The following EVL variants were observed in gnomAD, a reference collection of about 807,000 sequenced individuals.
EVL encodes Enah/Vasp-like.
EVL carries 21 observed loss-of-function variants against 59.6 expected under a neutral mutation model. The ratio of observed to expected loss-of-function variants is 0.35; its 90% confidence interval spans 0.25 to 0.51. EVL has a LOEUF of 0.51. EVL is among the 20% of genes least tolerant of loss of function. The pLI, the probability that EVL is intolerant of heterozygous loss-of-function variation, is 0.97. For missense variants in EVL, 462 were observed against 546.6 expected, an observed-to-expected ratio of 0.85 and a Z score of 1.54; for synonymous variants, 198 against 203.5, an observed-to-expected ratio of 0.97 and a Z score of 0.23.
chr14:100,137,842 TG>T, intron 11 of EVL, 40 bp downstream of exon 11: 1 of 1,598,974 alleles, frequency 6.3e-7, no homozygotes, highest in Non-Finnish European at 8.6e-7. Context: ...CCCCAGGGTT[TG>T]GGGCTCCTCT....
intron 1 of EVL, 118 bp downstream of exon 1, chr14:100,065,629 C>T: frequency 2.0e-6 from 1 of 503,476 alleles, no homozygotes; most frequent in Non-Finnish European, 3.3e-6. Context: ...TCGAGAAGTC[C>T]ATGACCAGAG....
At chr14:100,040,902 A>G (rs146880145) in intron 1 of EVL, among the ~76,000 whole-genome samples, 125 of 152,350 alleles carry the variant, frequency 8.2e-4, no homozygotes, top group South Asian at 2.1e-4. Flanking sequence ...TTATTAGCAC[A>G]TTCCCCCTGA....
intron 1 of EVL, among the ~76,000 whole-genome samples, chr14:100,074,056 A>ATTC (rs1227803409): frequency 2.6e-5 from 4 of 152,102 alleles, no homozygotes; most frequent in Non-Finnish European, 5.9e-5. Context: ...GCTAGAGGAA[A>ATTC]GCACAGGAGC....
intron 3 of EVL, among the ~76,000 whole-genome samples, chr14:100,117,962 C>T (rs1887456628): frequency 6.6e-6 from 1 of 152,224 alleles, no homozygotes; most frequent in Non-Finnish European, 1.5e-5. Flanking sequence ...ACGTACTTAA[C>T]AAATATGTAT....
intron 13 of EVL, among the ~76,000 whole-genome samples, chr14:100,143,037 A>G (rs955749308): frequency 6.6e-6 from 1 of 152,168 alleles, no homozygotes; most frequent in Non-Finnish European, 1.5e-5. Context: ...AGCAAGGTCC[A>G]TCCAGAGAGA....
intron 1 of EVL, among the ~76,000 whole-genome samples, chr14:100,074,163 C>A (rs1336866259): frequency 6.6e-6 from 1 of 152,186 alleles, no homozygotes; most frequent in Non-Finnish European, 1.5e-5. Flanking sequence ...ACAGACAGGA[C>A]CCGACAGCCT....
At chr14:100,117,950 C>T (rs998123843) in intron 3 of EVL, among the ~76,000 whole-genome samples, 8 of 152,340 alleles carry the variant, frequency 5.3e-5, no homozygotes, top group African/African-American at 1.9e-4. Context: ...GGCCAGTCAT[C>T]CACGTACTTA....
chr14:100,106,573 T>C (rs961489775), intron 3 of EVL: 1 of 320,630 alleles, frequency 3.1e-6, no homozygotes, highest in Admixed American at 5.0e-5. Context: ...GCTTCTCTTT[T>C]CTCTCTCCTT....
Position 100,132,776 on chromosome 14 carries a change from A to G in EVL, c.897A>G (p.Gln299=). The part of the protein sequence containing the change: ...KPAEKKEDES[Q]MEDPSTSPSP... ...CCGAGAAGAAGGAAGATGAAAGCCA[A>G]ATGGTGAGCAAGCAGCCCGCCCCAC... The change falls in exon 8 of 14, where the codon CAA becomes CAG. Residue 299 remains glutamine (Q), a synonymous_variant. Transcript: ENST00000392920. The G allele has an allele frequency of 6.2e-7, 1 of 1,614,036 alleles. No individual in the cohort carries two copies. Among genetic ancestry groups the G allele is most frequent in the Non-Finnish European group, 8.5e-7 (1 of 1,180,026 alleles).
chr14:99,992,814 T>C (rs900401281), intron 1 of EVL, among the ~76,000 whole-genome samples: 2 of 152,234 alleles, frequency 1.3e-5, no homozygotes, highest in African/African-American at 2.4e-5. Context: ...TTGAGTATGA[T>C]GTTAACTGTG....
intron 1 of EVL, among the ~76,000 whole-genome samples, chr14:100,051,539 T>G (rs1261009864): frequency 6.7e-6 from 1 of 149,658 alleles, no homozygotes; most frequent in African/African-American, 2.6e-5. Context: ...GCATTATAAC[T>G]TTTCCATTTC....
chr14:99,984,779 A>G (rs1289711266), intron 1 of EVL, among the ~76,000 whole-genome samples: 5 of 151,836 alleles, frequency 3.3e-5, no homozygotes, highest in Non-Finnish European at 7.4e-5. Flanking sequence ...ACACCCGGCT[A>G]ATTTTTTTGT....
At chr14:100,041,402 C>T (rs767369516) in intron 1 of EVL, among the ~76,000 whole-genome samples, 4 of 152,130 alleles carry the variant, frequency 2.6e-5, no homozygotes, top group Admixed American at 6.6e-5. Flanking sequence ...TCAGAAAGAA[C>T]GTGAACTGTC....
At chr14:100,013,964 A>T (rs2061033926) in intron 1 of EVL, among the ~76,000 whole-genome samples, 1 of 152,224 alleles carries the variant, frequency 6.6e-6, no homozygotes, top group Non-Finnish European at 1.5e-5. Flanking sequence ...TATGTGTAAT[A>T]ACTAATTACA....
intron 1 of EVL, among the ~76,000 whole-genome samples, chr14:100,079,398 T>C (rs2062241540): frequency 1.3e-5 from 2 of 152,234 alleles, no homozygotes; most frequent in Non-Finnish European, 2.9e-5. Context: ...GTCTACAGCA[T>C]ACAGGGACTG....
intron 1 of EVL, among the ~76,000 whole-genome samples, chr14:99,981,417 T>G (rs1425975376): frequency 6.6e-6 from 1 of 151,818 alleles, no homozygotes; most frequent in Non-Finnish European, 1.5e-5. Context: ...GGCAACAGAG[T>G]GAAACTGTCT....
At chr14:100,055,781 T>C (rs999282925) in intron 1 of EVL, among the ~76,000 whole-genome samples, 12 of 152,278 alleles carry the variant, frequency 7.9e-5, no homozygotes, top group African/African-American at 2.6e-4. Context: ...ATGTGCACAC[T>C]TACGTTGTTG....
intron 1 of EVL, chr14:99,977,220 C>T (rs962636541): frequency 3.9e-5 from 6 of 152,062 alleles, no homozygotes; most frequent in Non-Finnish European, 7.4e-5. Context: ...GTCTTTAACT[C>T]CTCTTAATAA....
chr14:100,143,937 A>G lies in EVL; in HGVS notation c.*199A>G. 5.1e-6 allele frequency: 3 copies of G among 590,172 alleles called. No homozygotes were observed. The South Asian group carries it at 6.7e-5, about 13-fold the overall frequency. The allele number at this position is 590,172 out of a possible 1,614,324, so 36.6% of individuals were successfully genotyped here. On this transcript the variant is annotated 3_prime_UTR_variant, in exon 14 of 14. Coordinates refer to ENST00000392920, the MANE Select transcript of EVL (RefSeq NM_016337.3). Reference sequence around the variant, plus strand: ...CCTGGGTTTTTTTAGATTCTGCCTGACACGGAACACCAGGTCTGCTCGTCT... The same window carrying G: ...CCTGGGTTTTTTTAGATTCTGCCTGGCACGGAACACCAGGTCTGCTCGTCT...
Sources: allele counts gnomAD v4.1 joint callset (sites outside exome capture counted in the v4.1 genomes callset), GRCh38; gene constraint gnomAD v4.1.1; transcripts MANE v1.5; gene names NCBI Gene and HGNC (gene_info 2026-07-23, HGNC 2026-07-21).